The following FANCB variants were observed in gnomAD, a reference collection of about 807,000 sequenced individuals.
FANCB encodes the protein FA complementation group B.
In FANCB, 5 loss-of-function variants were observed where a neutral mutation model predicts 38.9. That is an observed-to-expected ratio of 0.13 (90% CI 0.07 to 0.27). The LOEUF is 0.27. Ranked by LOEUF, FANCB falls within the 10% of genes least tolerant of loss-of-function variation. FANCB has a pLI of 1.00. For missense variants in FANCB, 573 were observed against 602.7 expected, an observed-to-expected ratio of 0.95 and a Z score of 0.52; for synonymous variants, 236 against 215.4, an observed-to-expected ratio of 1.10 and a Z score of -0.84.
chrX:14,792,365 T>C, the FANCB span, among the ~76,000 whole-genome samples: 1 of 111,107 alleles, frequency 9.0e-6, no homozygotes, highest in Non-Finnish European at 1.9e-5. Context: ...CTACTTTGGT[T>C]AGAACCTGAC....
the FANCB span, among the ~76,000 whole-genome samples, chrX:14,778,092 T>G: frequency 2.7e-5 from 3 of 111,750 alleles, no homozygotes; most frequent in African/African-American, 9.8e-5. Flanking sequence ...AAAAATTCTA[T>G]TATTTAAAGA....
chrX:14,853,997 T>C (rs767478877), intron 5 of FANCB, among the ~76,000 whole-genome samples: 1 of 112,770 alleles, frequency 8.9e-6, no homozygotes, highest in African/African-American at 3.2e-5. Flanking sequence ...TGCATCATTA[T>C]TTGGGATTCT....
the FANCB span, among the ~76,000 whole-genome samples, chrX:14,805,092 C>T: frequency 9.0e-6 from 1 of 111,637 alleles, no homozygotes; most frequent in Admixed American, 9.5e-5. Context: ...TCGCCTCAAA[C>T]TCCACATGCC....
At chrX:14,839,327 C>T (rs1314979445), downstream of FANCB, among the ~76,000 whole-genome samples, 5 of 109,530 alleles carry the variant, frequency 4.6e-5, no homozygotes, top group African/African-American at 1.0e-4. Context: ...ACAAAAAAAA[C>T]GGAAAGAAAG....
At chrX:14,698,511 C>T in the FANCB span, among the ~76,000 whole-genome samples, 5 of 107,655 alleles carry the variant, frequency 4.6e-5, no homozygotes, top group African/African-American at 1.7e-4. Flanking sequence ...AACCCTGTCT[C>T]TACTAAAAAT....
At chrX:14,699,958 C>T in the FANCB span, among the ~76,000 whole-genome samples, 1 of 111,754 alleles carries the variant, frequency 8.9e-6, no homozygotes, top group African/African-American at 3.3e-5. Context: ...AGGGGAACAA[C>T]ACACACTGGG....
chrX:14,847,669 T>C (rs1447287764), intron 7 of FANCB, among the ~76,000 whole-genome samples: 1 of 106,995 alleles, frequency 9.3e-6, no homozygotes, highest in African/African-American at 3.4e-5. Context: ...AAAAAAGAAA[T>C]CTGCACTTAA....
the FANCB span, among the ~76,000 whole-genome samples, chrX:14,813,925 A>C: frequency 1.8e-5 from 2 of 111,901 alleles, no homozygotes; most frequent in African/African-American, 6.5e-5. Flanking sequence ...ACTTCAAACT[A>C]TACCACAAGG....
At chrX:14,790,516 A>G in the FANCB span, among the ~76,000 whole-genome samples, 1 of 112,144 alleles carries the variant, frequency 8.9e-6, no homozygotes, top group Non-Finnish European at 1.9e-5. Context: ...TATTTTTTAT[A>G]TGTCTACTAT....
chrX:14,770,680 T>C, the FANCB span, among the ~76,000 whole-genome samples: 4 of 111,973 alleles, frequency 3.6e-5, no homozygotes, highest in Non-Finnish European at 7.5e-5. Flanking sequence ...GTCATTGTGA[T>C]GCTAGCTGGT....
chrX:14,749,642 A>G, the FANCB span, among the ~76,000 whole-genome samples: 2 of 111,942 alleles, frequency 1.8e-5, no homozygotes, highest in African/African-American at 6.5e-5. Flanking sequence ...AGGAATCCCA[A>G]ATGTAACATC....
At chrX:14,726,290 A>C in the FANCB span, among the ~76,000 whole-genome samples, 5 of 112,264 alleles carry the variant, frequency 4.5e-5, no homozygotes, top group African/African-American at 1.6e-4. Flanking sequence ...AATTGGTTGC[A>C]GTTATGTTTT....
At chrX:14,849,761 G>A (rs1405042641) in intron 7 of FANCB, among the ~76,000 whole-genome samples, 1 of 111,651 alleles carries the variant, frequency 9.0e-6, no homozygotes, top group East Asian at 2.8e-4. Flanking sequence ...TTCACCGTGA[G>A]ACTATAGCAT....
chrX:14,725,759 T>C, the FANCB span, among the ~76,000 whole-genome samples: 1 of 111,996 alleles, frequency 8.9e-6, no homozygotes, highest in African/African-American at 3.2e-5. Flanking sequence ...ATGAGCAAAT[T>C]TTACAATAAG....
At chrX:14,804,123 C>T in the FANCB span, among the ~76,000 whole-genome samples, 1 of 111,949 alleles carries the variant, frequency 8.9e-6, no homozygotes. Context: ...ACCCAGCCAT[C>T]CCATTACTGG....
chrX:14,801,291 T>C, the FANCB span, among the ~76,000 whole-genome samples: 1 of 112,017 alleles, frequency 8.9e-6, no homozygotes, highest in Non-Finnish European at 1.9e-5. Context: ...GTCTTTAAAA[T>C]GCAAGGAATT....
the FANCB span, among the ~76,000 whole-genome samples, chrX:14,818,621 C>G: frequency 9.0e-6 from 1 of 110,876 alleles, no homozygotes; most frequent in African/African-American, 3.3e-5. Flanking sequence ...TCTAGAAGGG[C>G]ACTATCTGGT....
chrX:14,832,359 G>A (rs1345559094), downstream of FANCB, among the ~76,000 whole-genome samples: 2 of 111,358 alleles, frequency 1.8e-5, no homozygotes, highest in East Asian at 2.8e-4. Context: ...AAAGGACACC[G>A]TGAGTCACTG....
chrX:14,744,776 T>C, the FANCB span, among the ~76,000 whole-genome samples: 1 of 111,879 alleles, frequency 8.9e-6, no homozygotes, highest in South Asian at 3.7e-4. Flanking sequence ...ATCTTTTTTT[T>C]CCTCTTGTGG....
Sources: gnomAD v4.1 joint callset for allele counts (sites outside exome capture counted in the v4.1 genomes callset) on GRCh38, gnomAD v4.1.1 for gene constraint, MANE v1.5 for transcripts, NCBI Gene and HGNC (gene_info 2026-07-23, HGNC 2026-07-21) for gene names.